The following KCNN2 variants were observed in gnomAD, a reference collection of about 807,000 sequenced individuals.
KCNN2 encodes potassium calcium-activated channel subfamily N member 2.
KCNN2 carries 24 observed loss-of-function variants against 55.5 expected under a neutral mutation model. The observed-to-expected ratio is 0.43, with a 90% confidence interval of 0.31 to 0.61. KCNN2 has a LOEUF of 0.61. Among genes scored for constraint, KCNN2 ranks in the 20% least tolerant of loss-of-function variants. The probability of loss-of-function intolerance (pLI) is 0.08; values close to 1 mark genes in which losing one functional copy is unlikely to be tolerated. For synonymous variants in KCNN2, 431 were observed against 336.1 expected (o/e 1.28, Z -3.09); for missense variants, 754 against 853.6 (o/e 0.88, Z 1.45).
chr5:114,253,503 G>A (rs1236472859), intron 2 of KCNN2: 1 of 152,554 alleles, frequency 6.6e-6, no homozygotes, highest in Non-Finnish European at 1.5e-5. Flanking sequence ...ATACTTTAAG[G>A]GAAGGAGGAG....
intron 1 of KCNN2, among the ~76,000 whole-genome samples, chr5:114,131,816 A>G (rs1752077775): frequency 6.6e-6 from 1 of 152,174 alleles, no homozygotes; most frequent in Non-Finnish European, 1.5e-5. Flanking sequence ...TTTAATAATC[A>G]CTATCTGACT....
chr5:114,080,130 G>A (rs979484526), intron 1 of KCNN2, among the ~76,000 whole-genome samples: 2 of 151,994 alleles, frequency 1.3e-5, no homozygotes, highest in Admixed American at 6.6e-5. Context: ...AAAATGACTG[G>A]TGTCTCCTCC....
intron 1 of KCNN2, among the ~76,000 whole-genome samples, chr5:114,077,001 T>G (rs1413705359): frequency 1.3e-5 from 2 of 152,214 alleles, no homozygotes; most frequent in Non-Finnish European, 2.9e-5. Flanking sequence ...GGCCAAGAAC[T>G]TTTTAATAGT....
intron 2 of KCNN2, among the ~76,000 whole-genome samples, chr5:114,324,516 T>C (rs976221115): frequency 1.3e-5 from 2 of 152,170 alleles, no homozygotes; most frequent in Non-Finnish European, 2.9e-5. Flanking sequence ...ATAGATGGCC[T>C]CTAGAAGGGT....
rs139719721 is a variant in KCNN2, at chr5:114,453,668, TTTTG to T, written c.1638-9378_1638-9375del. On this transcript the variant is annotated intron_variant, in intron 3 of 7. Transcript: ENST00000673685. ...TTTTAATTGTCTGAGAATGTATCTT[TTTTG>T]TTCTCCTCTTCTCTTTTTGCTTTTT... Among the ~76,000 whole-genome samples the T allele has an allele frequency of 6.9e-3, 1,043 of 152,228 alleles. 10 individuals carry two copies. The highest frequency in any genetic ancestry group is 0.024 in the African/African-American group (1,001 of 41,546).
chr5:114,142,313 G>A (rs914593068), intron 1 of KCNN2, among the ~76,000 whole-genome samples: 14 of 152,094 alleles, frequency 9.2e-5, no homozygotes, highest in Non-Finnish European at 1.9e-4. Context: ...TTTGTATAAG[G>A]TGTAAGGAAG....
At chr5:114,361,137 G>A (rs946103115), upstream of KCNN2, 2 of 152,270 alleles carry the variant, frequency 1.3e-5, no homozygotes, top group Admixed American at 1.3e-4. Flanking sequence ...TCATGTTCTG[G>A]AGAAGGCGCA....
chr5:114,075,524 A>G (rs536313713), intron 1 of KCNN2, among the ~76,000 whole-genome samples: 1 of 152,328 alleles, frequency 6.6e-6, no homozygotes, highest in South Asian at 2.1e-4. Flanking sequence ...TTACTTGGCA[A>G]TTGAACCTGG....
chr5:114,461,279 T>C (rs992236476), intron 3 of KCNN2, among the ~76,000 whole-genome samples: 7 of 152,176 alleles, frequency 4.6e-5, no homozygotes, highest in Non-Finnish European at 1.5e-5. Context: ...CATATGACTT[T>C]CCTTTTGACA....
intron 2 of KCNN2, among the ~76,000 whole-genome samples, chr5:114,331,760 G>A (rs1393673460): frequency 6.6e-6 from 1 of 152,090 alleles, no homozygotes; most frequent in Non-Finnish European, 1.5e-5. Flanking sequence ...AAATATATCT[G>A]TAAGTAACAG....
At chr5:114,477,795 T>C (rs1383114966) in intron 5 of KCNN2, among the ~76,000 whole-genome samples, 1 of 152,160 alleles carries the variant, frequency 6.6e-6, no homozygotes, top group African/African-American at 2.4e-5. Context: ...ACATAATTTT[T>C]AAAGTTGCTA....
At chr5:114,211,243 A>C (rs1753877615) in intron 1 of KCNN2, among the ~76,000 whole-genome samples, 1 of 152,194 alleles carries the variant, frequency 6.6e-6, no homozygotes, top group Non-Finnish European at 1.5e-5. Flanking sequence ...TTGTTCTGTC[A>C]TAAAAACACA....
In KCNN2 at chr5:114,232,924, T is replaced by C. The variant is rs113246913; in HGVS notation, c.-185+11359T>C. Among the ~76,000 whole-genome samples the C allele has an allele frequency of 2.8e-3, 69 of 24,748 alleles. 1 individual carries two copies. The highest frequency in any genetic ancestry group is 7.4e-3 in the Admixed American group (12 of 1,618). 16.2% of individuals were successfully genotyped at this position (24,748 alleles called of 152,430 possible). On this transcript the variant is annotated intron_variant, in intron 2 of 10. Transcript: ENST00000512097. ...AGAGGTAATTTTTTATATTGTTTCT[T>C]GTTTTTTTTTTTTTGAGACGGAGTC... is the stretch of plus-strand genomic sequence containing the variant.
At chr5:114,240,335 T>A (rs533694860) in intron 2 of KCNN2, among the ~76,000 whole-genome samples, 1 of 151,896 alleles carries the variant, frequency 6.6e-6, no homozygotes, top group East Asian at 1.9e-4. Context: ...TAAGAATAGA[T>A]GGAAATTGCT....
chr5:114,180,416 C>T (rs553704097), intron 1 of KCNN2, among the ~76,000 whole-genome samples: 1 of 152,094 alleles, frequency 6.6e-6, no homozygotes, highest in East Asian at 1.9e-4. Context: ...AATTTCTTGC[C>T]TCTGTGTTTA....
intron 3 of KCNN2, among the ~76,000 whole-genome samples, chr5:114,438,117 A>G (rs1198057855): frequency 6.6e-6 from 1 of 152,180 alleles, no homozygotes; most frequent in East Asian, 1.9e-4. Flanking sequence ...GAAAGAAAAC[A>G]GATTGCCAGC....
At chr5:114,387,086 G>A (rs1208449349) in intron 2 of KCNN2, among the ~76,000 whole-genome samples, 1 of 152,188 alleles carries the variant, frequency 6.6e-6, no homozygotes, top group Non-Finnish European at 1.5e-5. Context: ...GTGGCCACTT[G>A]ATTATTTTTT....
chr5:114,251,632 A>C (rs1435857242), intron 2 of KCNN2, among the ~76,000 whole-genome samples: 1 of 152,174 alleles, frequency 6.6e-6, no homozygotes, highest in East Asian at 1.9e-4. Context: ...TTGACTTTGA[A>C]ATAAAGGAAC....
chr5:114,211,078 G>A (rs137926994), intron 1 of KCNN2, among the ~76,000 whole-genome samples: 17 of 152,280 alleles, frequency 1.1e-4, no homozygotes, highest in African/African-American at 3.6e-4. Context: ...TTGCAAGGTT[G>A]TGGAGAAAAG....
Sources: gnomAD v4.1 joint callset for allele counts (sites outside exome capture counted in the v4.1 genomes callset) on GRCh38, gnomAD v4.1.1 for gene constraint, MANE v1.5 for transcripts, NCBI Gene and HGNC (gene_info 2026-07-23, HGNC 2026-07-21) for gene names.